The following NLGN1 variants were observed in gnomAD, a reference collection of about 807,000 sequenced individuals.
The protein encoded by NLGN1 is neuroligin 1, also known as neuroligin-1.
In NLGN1, 12 loss-of-function variants were observed where a neutral mutation model predicts 65.5. The ratio of observed to expected loss-of-function variants is 0.18; its 90% confidence interval spans 0.12 to 0.30. NLGN1 has a LOEUF of 0.30. Among genes scored for constraint, NLGN1 ranks in the 10% least tolerant of loss-of-function variants. The pLI is 1.00. For synonymous variants in NLGN1, 350 were observed against 359.5 expected (o/e 0.97, Z 0.30); for missense variants, 750 against 1,007.1 (o/e 0.74, Z 3.46).
chr3:174,288,020 T>C (rs1752324735), downstream of NLGN1, among the ~76,000 whole-genome samples: 1 of 151,624 alleles, frequency 6.6e-6, no homozygotes, highest in East Asian at 1.9e-4. Flanking sequence ...GCCAATTCTA[T>C]GACTTACTAA....
intron 4 of NLGN1, among the ~76,000 whole-genome samples, chr3:174,085,459 A>C (rs533252385): frequency 3.3e-5 from 5 of 152,026 alleles, no homozygotes; most frequent in Non-Finnish European, 5.9e-5. Flanking sequence ...ATTCTTACCC[A>C]TTAGTCTTAT....
At chr3:173,575,495 C>T (rs1479737723) in intron 2 of NLGN1, among the ~76,000 whole-genome samples, 1 of 152,148 alleles carries the variant, frequency 6.6e-6, no homozygotes, top group Non-Finnish European at 1.5e-5. Flanking sequence ...CTTATTTCTT[C>T]ACCATCATAT....
chr3:174,282,815 T>G (rs2152897128), exon 7 of NLGN1: 1 of 152,286 alleles, frequency 6.6e-6, no homozygotes, highest in Non-Finnish European at 1.5e-5. Context: ...GTGATTTTTT[T>G]TTTACATTTT....
intron 4 of NLGN1, among the ~76,000 whole-genome samples, chr3:174,163,967 G>C (rs1180305685): frequency 6.6e-6 from 1 of 151,996 alleles, no homozygotes; most frequent in African/African-American, 2.4e-5. Flanking sequence ...GGATTGCTGG[G>C]TCAAATGATA....
At chr3:174,150,883 T>C (rs958888840) in intron 4 of NLGN1, among the ~76,000 whole-genome samples, 2 of 152,100 alleles carry the variant, frequency 1.3e-5, no homozygotes, top group African/African-American at 4.8e-5. Flanking sequence ...TCCTGTAGCA[T>C]GCTGGTCATT....
At chr3:173,464,515 C>T (rs1159565451) in intron 2 of NLGN1, among the ~76,000 whole-genome samples, 1 of 143,282 alleles carries the variant, frequency 7.0e-6, no homozygotes, top group African/African-American at 2.6e-5. Flanking sequence ...GGCTCACTGT[C>T]ACCTCTGCCT....
intron 3 of NLGN1, among the ~76,000 whole-genome samples, chr3:173,744,138 T>C (rs989323128): frequency 1.3e-5 from 2 of 152,234 alleles, no homozygotes; most frequent in East Asian, 1.9e-4. Flanking sequence ...CTTTATCCAC[T>C]TTAGTTATGA....
intron 3 of NLGN1, 96 bp downstream of exon 3, chr3:173,605,689 A>G (rs994623987): frequency 1.8e-6 from 1 of 548,922 alleles, no homozygotes; most frequent in Non-Finnish European, 3.1e-6. Flanking sequence ...GCTGGGAAGT[A>G]AATGGTTAGG....
intron 3 of NLGN1, among the ~76,000 whole-genome samples, chr3:173,786,489 T>C (rs1273179255): frequency 6.6e-6 from 1 of 152,134 alleles, no homozygotes; most frequent in Non-Finnish European, 1.5e-5. Flanking sequence ...TCTTTCTCAA[T>C]GGAAAGTTAT....
At chr3:173,454,891 C>T (rs1722251371) in intron 2 of NLGN1, among the ~76,000 whole-genome samples, 1 of 152,156 alleles carries the variant, frequency 6.6e-6, no homozygotes, top group Non-Finnish European at 1.5e-5. Flanking sequence ...AGATGTGTGA[C>T]TCTTCTTTCA....
intron 4 of NLGN1, among the ~76,000 whole-genome samples, chr3:174,233,941 A>G (rs899341344): frequency 6.6e-6 from 1 of 152,124 alleles, no homozygotes; most frequent in East Asian, 1.9e-4. Flanking sequence ...TGTTGTGTCT[A>G]TTATATGTTG....
At position 173,915,308 on chromosome 3, in the gene NLGN1, C is replaced by A. The variant is rs574002001; in HGVS notation, c.646+107476C>A. Among the ~76,000 whole-genome samples the A allele has an allele frequency of 6.6e-5, 10 of 152,284 alleles. No individual in the cohort carries two copies. The South Asian group carries it at 1.4e-3, about 22-fold the overall frequency. On this transcript the variant is annotated intron_variant, in intron 4 of 6. Coordinates refer to ENST00000457714, the Ensembl canonical transcript of NLGN1. ...TTTATGACCTACATCTCATGAGTAA[C>A]CAGCCCCTTTGCATATGAGAAACAA...
intron 4 of NLGN1, among the ~76,000 whole-genome samples, chr3:174,209,015 C>T (rs1735947325): frequency 6.6e-6 from 1 of 152,092 alleles, no homozygotes; most frequent in Non-Finnish European, 1.5e-5. Context: ...CCTCTGCCTC[C>T]CAGGCTCAAC....
At chr3:173,642,301 A>C (rs1053640395) in intron 3 of NLGN1, among the ~76,000 whole-genome samples, 1 of 152,112 alleles carries the variant, frequency 6.6e-6, no homozygotes, top group African/African-American at 2.4e-5. Flanking sequence ...GAGTTTTCAG[A>C]CTACACTATA....
At chr3:173,829,155 T>C (rs1352983174) in intron 4 of NLGN1, among the ~76,000 whole-genome samples, 2 of 152,034 alleles carry the variant, frequency 1.3e-5, no homozygotes, top group Non-Finnish European at 2.9e-5. Flanking sequence ...GAAGTAGTTT[T>C]ATGTTCTCAG....
chr3:173,449,772 A>T (rs1483120110), intron 2 of NLGN1, among the ~76,000 whole-genome samples: 2 of 152,086 alleles, frequency 1.3e-5, no homozygotes. Flanking sequence ...TATATTTAGG[A>T]GAGTTAGTTC....
intron 4 of NLGN1, among the ~76,000 whole-genome samples, chr3:173,851,826 C>G (rs1726971244): frequency 6.6e-6 from 1 of 152,092 alleles, no homozygotes; most frequent in African/African-American, 2.4e-5. Flanking sequence ...GAGTCGAAGT[C>G]ATAACATATT....
chr3:173,767,898 A>ATC (rs1779008799), intron 3 of NLGN1, among the ~76,000 whole-genome samples: 1 of 152,130 alleles, frequency 6.6e-6, no homozygotes, highest in Non-Finnish European at 1.5e-5. Context: ...AGTCATTTTA[A>ATC]TCTCTGCCTT....
At chr3:173,644,415 T>C (rs1757919018) in intron 3 of NLGN1, 1 of 155,564 alleles carries the variant, frequency 6.4e-6, no homozygotes, top group Non-Finnish European at 1.5e-5. Context: ...CATGTACCTG[T>C]GTCTGCATGG....
Sources: gnomAD v4.1 joint callset for allele counts (sites outside exome capture counted in the v4.1 genomes callset) on GRCh38, gnomAD v4.1.1 for gene constraint, MANE v1.5 for transcripts, NCBI Gene and HGNC (gene_info 2026-07-23, HGNC 2026-07-21) for gene names.